THADA: variants seen among roughly 807,000 people sequenced by gnomAD.
THADA encodes THADA armadillo repeat containing, also known as tRNA (32-2'-O)-methyltransferase regulator THADA.
THADA carries 213 observed loss-of-function variants against 219.8 expected under a neutral mutation model. That is an observed-to-expected ratio of 0.97 (90% CI 0.87 to 1.09). THADA has a LOEUF of 1.09. THADA is among the 50% of genes least tolerant of loss of function. THADA has a pLI of 0.00. For missense variants in THADA, 2,956 were observed against 2,311.3 expected (o/e 1.28, Z -5.72); for synonymous variants, 1,018 against 828.9 (o/e 1.23, Z -3.92).
intron 11 of THADA, among the ~76,000 whole-genome samples, chr2:43,573,442 G>C (rs1309033715): frequency 6.6e-6 from 1 of 152,170 alleles, no homozygotes; most frequent in East Asian, 1.9e-4. Context: ...GAGCCTGCTG[G>C]TTTCAGAGGC....
intron 36 of THADA, among the ~76,000 whole-genome samples, chr2:43,245,465 G>A (rs937268544): frequency 2.0e-5 from 3 of 152,100 alleles, no homozygotes; most frequent in South Asian, 2.1e-4. Context: ...GAGCCACCAC[G>A]CCCAGCAACT....
chr2:43,592,435 T>C lies in THADA; in HGVS notation c.-24-19A>G. 3 of 1,402,148 alleles carry C rather than the reference T, an allele frequency of 2.1e-6. No individual in the cohort carries two copies. Among genetic ancestry groups the C allele is most frequent in the Non-Finnish European group, 3.0e-6 (3 of 1,012,060 alleles). 86.9% of individuals were successfully genotyped at this position (1,402,148 alleles called of 1,614,324 possible). On this transcript the variant is annotated intron_variant, in intron 1 of 37. Transcript: ENST00000405975. ...GTAGTCACTGCAAGAAAGAAGACTT[T>C]AAGGCATTAATGTAAGGTTTCTCAA...
intron 25 of THADA, among the ~76,000 whole-genome samples, chr2:43,493,565 G>C (rs1039908369): frequency 1.3e-5 from 2 of 152,090 alleles, no homozygotes; most frequent in African/African-American, 4.8e-5. Flanking sequence ...TTTTGGGCGG[G>C]CTCCACTGGG....
chr2:43,509,313 T>C (rs1430875547), intron 22 of THADA, among the ~76,000 whole-genome samples: 2 of 152,218 alleles, frequency 1.3e-5, no homozygotes, highest in East Asian at 1.9e-4. Flanking sequence ...ATAAACATTT[T>C]GAGGCGATTT....
At chr2:43,481,110 G>A (rs989839585) in intron 26 of THADA, among the ~76,000 whole-genome samples, 1 of 152,222 alleles carries the variant, frequency 6.6e-6, no homozygotes, top group Non-Finnish European at 1.5e-5. Context: ...AGAGAAGCCA[G>A]TCTGTCTGGA....
intron 21 of THADA, among the ~76,000 whole-genome samples, chr2:43,528,772 CT>C (rs1017706707): frequency 6.6e-6 from 1 of 151,998 alleles, no homozygotes; most frequent in African/African-American, 2.4e-5. Flanking sequence ...AAATAATTAC[CT>C]TTTTTCCTTC....
intron 31 of THADA, among the ~76,000 whole-genome samples, chr2:43,293,699 T>A (rs1045714693): frequency 6.6e-6 from 1 of 152,240 alleles, no homozygotes; most frequent in African/African-American, 2.4e-5. Flanking sequence ...GTGTTTCTAC[T>A]CACTGGCCTA....
At chr2:43,279,555 G>T (rs1448845776) in intron 36 of THADA, among the ~76,000 whole-genome samples, 1 of 152,202 alleles carries the variant, frequency 6.6e-6, no homozygotes, top group Non-Finnish European at 1.5e-5. Context: ...AATCTGAGAA[G>T]CTGCCTATTT....
chr2:43,297,164 A>G (rs1675525400), intron 31 of THADA, among the ~76,000 whole-genome samples: 2 of 91,294 alleles, frequency 2.2e-5, no homozygotes, highest in African/African-American at 1.1e-4. Flanking sequence ...CCATCGTCTG[A>G]GATGTGGGGA....
At chr2:43,244,365 G>A (rs1668917480) in intron 36 of THADA, among the ~76,000 whole-genome samples, 1 of 152,180 alleles carries the variant, frequency 6.6e-6, no homozygotes, top group Non-Finnish European at 1.5e-5. Flanking sequence ...ATTGCTCTCA[G>A]AAAATACCAT....
intron 29 of THADA, among the ~76,000 whole-genome samples, chr2:43,389,210 T>A (rs1202013185): frequency 1.3e-5 from 2 of 152,110 alleles, no homozygotes; most frequent in Non-Finnish European, 2.9e-5. Context: ...GGCTCCAGAG[T>A]CCACTCTTAC....
At position 43,373,849 on chromosome 2, in the gene THADA, G is replaced by A. The variant is rs78778708; in HGVS notation, c.4227+24122C>T. On this transcript the variant is annotated intron_variant, in intron 29 of 37. Coordinates refer to ENST00000405975, the MANE Select transcript of THADA (RefSeq NM_022065.5). Reference sequence around the variant, plus strand: ...CTCATTTCTAATATTACCAACAGATGTTCTTTGTATTGATCACAACATCTT... The same window carrying A: ...CTCATTTCTAATATTACCAACAGATATTCTTTGTATTGATCACAACATCTT... 5.4e-3 allele frequency among the ~76,000 whole-genome samples: 826 copies of A among 152,280 alleles called. 14 individuals carry two copies. The highest frequency in any genetic ancestry group is 0.019 in the African/African-American group (778 of 41,568).
intron 30 of THADA, among the ~76,000 whole-genome samples, chr2:43,342,426 C>T (rs926134209): frequency 6.6e-6 from 1 of 152,214 alleles, no homozygotes; most frequent in African/African-American, 2.4e-5. Flanking sequence ...ACTGTGTGGC[C>T]TGGGCATATT....
chr2:43,450,591 G>C (rs1682190387), intron 26 of THADA, among the ~76,000 whole-genome samples: 1 of 151,612 alleles, frequency 6.6e-6, no homozygotes, highest in Non-Finnish European at 1.5e-5. Context: ...AAGGCATATA[G>C]AAAACAAATA....
chr2:43,326,950 T>C (rs972580602), intron 30 of THADA, among the ~76,000 whole-genome samples: 3 of 152,106 alleles, frequency 2.0e-5, no homozygotes, highest in Non-Finnish European at 4.4e-5. Flanking sequence ...GGCTTAACTT[T>C]ATTAATACAG....
chr2:43,267,360 T>C, intron 36 of THADA, among the ~76,000 whole-genome samples: 1 of 152,262 alleles, frequency 6.6e-6, no homozygotes. Flanking sequence ...TGTCCCCAGA[T>C]GTTAGTGCCC....
chr2:43,322,043 CT>C (rs879799883), intron 30 of THADA, among the ~76,000 whole-genome samples: 6 of 149,770 alleles, frequency 4.0e-5, no homozygotes, highest in Admixed American at 1.3e-4. Context: ...GTATCAGATA[CT>C]TTTTTTTTTG....
At chr2:43,357,042 C>G (rs1370236684) in intron 29 of THADA, among the ~76,000 whole-genome samples, 1 of 152,220 alleles carries the variant, frequency 6.6e-6, no homozygotes, top group Admixed American at 6.5e-5. Flanking sequence ...CACATAATGT[C>G]TGACAGATGG....
Position 43,556,507 on chromosome 2 carries a change from T to C in THADA, c.2512A>G (p.Thr838Ala). Residue 838 changes from threonine to alanine, a missense_variant, in exon 17 of 38, where the codon ACA becomes GCA. Physicochemically the swap from Thr to Ala is moderately conservative, Grantham distance 58. Coordinates refer to ENST00000405975, the MANE Select transcript of THADA (RefSeq NM_022065.5). ...GLFQAALELS[T>A]STKPYDCVTA... ...ACACAGTCGTATGGTTTGGTGCTTG[T>C]GCTGAGCTCCAATGCTGCCTGAAAT... 1.2e-6 allele frequency: 2 copies of C among 1,613,900 alleles called. No individual in the cohort carries two copies. The highest frequency in any genetic ancestry group is 1.7e-6 in the Non-Finnish European group (2 of 1,179,832).
Sources: gnomAD v4.1 joint callset for allele counts (sites outside exome capture counted in the v4.1 genomes callset) on GRCh38, gnomAD v4.1.1 for gene constraint, MANE v1.5 for transcripts, NCBI Gene and HGNC (gene_info 2026-07-23, HGNC 2026-07-21) for gene names.